FHIT: variants seen among roughly 807,000 people sequenced by gnomAD.
The protein encoded by FHIT is fragile histidine triad diadenosine triphosphatase, also known as bis(5'-adenosyl)-triphosphatase.
In FHIT, 19 loss-of-function variants were observed where a neutral mutation model predicts 17.9. That is an observed-to-expected ratio of 1.06 (90% CI 0.74 to 1.56). FHIT has a LOEUF of 1.56. FHIT is among the 40% of genes most tolerant of loss of function. The pLI is 0.00. For missense variants in FHIT, 248 were observed against 189.2 expected, an observed-to-expected ratio of 1.31 and a Z score of -1.82; for synonymous variants, 81 against 69.7, an observed-to-expected ratio of 1.16 and a Z score of -0.81.
At chr3:60,273,013 T>C (rs1559778646) in intron 5 of FHIT, among the ~76,000 whole-genome samples, 1 of 152,206 alleles carries the variant, frequency 6.6e-6, no homozygotes, top group Non-Finnish European at 1.5e-5. Context: ...ACTGTTTCTC[T>C]AACAAGGTAA....
intron 7 of FHIT, among the ~76,000 whole-genome samples, chr3:59,954,764 G>A (rs1426082333): frequency 6.6e-6 from 1 of 152,158 alleles, no homozygotes; most frequent in Non-Finnish European, 1.5e-5. Flanking sequence ...TTATACTGAA[G>A]GTTTCAGAAT....
chr3:60,945,132 G>C (rs1307251908), intron 3 of FHIT, among the ~76,000 whole-genome samples: 1 of 152,134 alleles, frequency 6.6e-6, no homozygotes, highest in Non-Finnish European at 1.5e-5. Context: ...AGGATTCTCT[G>C]AGAAGATGAC....
At chr3:60,564,334 G>C (rs2037058599) in intron 4 of FHIT, among the ~76,000 whole-genome samples, 1 of 152,198 alleles carries the variant, frequency 6.6e-6, no homozygotes, top group Non-Finnish European at 1.5e-5. Flanking sequence ...CTCTGATAGA[G>C]ATGTACAAGG....
At chr3:61,042,258 G>C (rs1006080817) in intron 2 of FHIT, among the ~76,000 whole-genome samples, 159 bp from the exon 3 acceptor site, 8 of 152,174 alleles carry the variant, frequency 5.3e-5, no homozygotes, top group Non-Finnish European at 8.8e-5. Flanking sequence ...TGCTAAAGCA[G>C]CTAGTATCAC....
chr3:60,502,181 C>T (rs4608644), intron 5 of FHIT, among the ~76,000 whole-genome samples: 76,736 of 152,032 alleles, frequency 0.5, 19,769 homozygotes, highest in African/African-American at 0.6. Context: ...TCAGTTAAGA[C>T]CTAAGATCTT....
At chr3:59,760,677 T>A (rs1330503892) in intron 8 of FHIT, among the ~76,000 whole-genome samples, 3 of 151,970 alleles carry the variant, frequency 2.0e-5, no homozygotes, top group Non-Finnish European at 4.4e-5. Flanking sequence ...CTGAGCAGAG[T>A]TGATTTCAAT....
intron 2 of FHIT, among the ~76,000 whole-genome samples, chr3:61,076,694 A>C (rs970245864): frequency 7.9e-5 from 12 of 152,186 alleles, no homozygotes; most frequent in African/African-American, 2.9e-4. Context: ...ATGAGCTAGA[A>C]ATATACAGAA....
intron 4 of FHIT, among the ~76,000 whole-genome samples, chr3:60,799,592 A>T (rs773533201): frequency 2.0e-5 from 3 of 152,142 alleles, no homozygotes; most frequent in Non-Finnish European, 4.4e-5. Flanking sequence ...TTGTACTTCT[A>T]ACATATTGAG....
intron 5 of FHIT, among the ~76,000 whole-genome samples, chr3:60,511,744 T>C (rs2034958985): frequency 6.6e-6 from 1 of 152,194 alleles, no homozygotes; most frequent in Non-Finnish European, 1.5e-5. Flanking sequence ...TCTATTTAAA[T>C]GAACCATATA....
chr3:61,202,985 C>A (rs1425433386), intron 1 of FHIT, among the ~76,000 whole-genome samples: 1 of 151,942 alleles, frequency 6.6e-6, no homozygotes, highest in Non-Finnish European at 1.5e-5. Context: ...TCGAGACCAT[C>A]CTGGCTAATA....
intron 8 of FHIT, among the ~76,000 whole-genome samples, chr3:59,918,541 C>T (rs1429831904): frequency 6.6e-6 from 1 of 152,100 alleles, no homozygotes; most frequent in Non-Finnish European, 1.5e-5. Context: ...GGCCAGAGCA[C>T]TGTAAATGAA....
chr3:59,984,696 G>A (rs1007679181), intron 7 of FHIT, among the ~76,000 whole-genome samples: 1 of 152,058 alleles, frequency 6.6e-6, no homozygotes, highest in Non-Finnish European at 1.5e-5. Flanking sequence ...TTATGAAAAT[G>A]TGCCTTCATT....
intron 5 of FHIT, among the ~76,000 whole-genome samples, chr3:60,465,548 T>A (rs929315480): frequency 6.6e-6 from 1 of 152,120 alleles, no homozygotes; most frequent in Non-Finnish European, 1.5e-5. Context: ...CTTTAATCCA[T>A]TTTGATTTGA....
At chr3:60,615,429 T>G (rs1285457613) in intron 4 of FHIT, among the ~76,000 whole-genome samples, 3 of 152,192 alleles carry the variant, frequency 2.0e-5, no homozygotes, top group African/African-American at 7.2e-5. Context: ...AGACTGAAGT[T>G]AATGACCAGT....
chr3:60,221,398 G>T (rs1703952188), intron 5 of FHIT, among the ~76,000 whole-genome samples: 1 of 152,020 alleles, frequency 6.6e-6, no homozygotes, highest in African/African-American at 2.4e-5. Flanking sequence ...GCTACTACAA[G>T]GGTTCCCTTA....
At chr3:60,765,206 C>T (rs1259167035) in intron 4 of FHIT, among the ~76,000 whole-genome samples, 1 of 152,180 alleles carries the variant, frequency 6.6e-6, no homozygotes, top group Non-Finnish European at 1.5e-5. Context: ...GCACTAAAAG[C>T]TATACCTTCT....
intron 5 of FHIT, among the ~76,000 whole-genome samples, chr3:60,315,255 G>A (rs1709114827): frequency 6.6e-6 from 1 of 152,154 alleles, no homozygotes; most frequent in Admixed American, 6.5e-5. Flanking sequence ...ATTGTCTTCA[G>A]CTATTGTGTT....
chr3:60,662,000 G>A (rs185407255), intron 4 of FHIT, among the ~76,000 whole-genome samples: 4 of 152,156 alleles, frequency 2.6e-5, no homozygotes, highest in East Asian at 1.9e-4. Context: ...CCCACTCTGT[G>A]GGTTGTCTGT....
chr3:60,464,005 G>A lies in FHIT; in HGVS notation c.103+72855C>T, dbSNP rs1025960102. ...AGAAGCTCCTTTTGTGGAAGAACAT[G>A]TAATTTGCCCTTTATTTGCACAGTT... On this transcript the variant is annotated intron_variant, in intron 5 of 9. Coordinates refer to ENST00000492590, the MANE Select transcript of FHIT (RefSeq NM_002012.4). 3.3e-5 allele frequency among the ~76,000 whole-genome samples: 5 copies of A among 152,316 alleles called. 1 individual carries two copies. The highest frequency in any genetic ancestry group is 1.2e-4 in the African/African-American group (5 of 41,576).
Sources: allele counts gnomAD v4.1 joint callset (sites outside exome capture counted in the v4.1 genomes callset), GRCh38; gene constraint gnomAD v4.1.1; transcripts MANE v1.5; gene names NCBI Gene and HGNC (gene_info 2026-07-23, HGNC 2026-07-21).